The following SNX8 variants were observed in gnomAD, a reference collection of about 807,000 sequenced individuals.
SNX8 encodes the protein sorting nexin 8.
Under a neutral mutation model 51.6 loss-of-function variants are expected in SNX8, and 25 were observed. The observed-to-expected ratio is 0.48, with a 90% confidence interval of 0.35 to 0.68. The LOEUF (loss-of-function observed/expected upper bound fraction) is 0.68. SNX8 is among the 30% of genes least tolerant of loss of function. The pLI is 0.00. For synonymous variants in SNX8, 324 were observed against 277.0 expected, an observed-to-expected ratio of 1.17 and a Z score of -1.68; for missense variants, 695 against 624.0, an observed-to-expected ratio of 1.11 and a Z score of -1.21.
At chr7:2,324,092 C>A (rs1004220399) in intron 1 of SNX8, among the ~76,000 whole-genome samples, 2 of 151,610 alleles carry the variant, frequency 1.3e-5, no homozygotes, top group African/African-American at 4.8e-5. Flanking sequence ...TGTACTCCAG[C>A]CTGGGGTGGC....
intron 1 of SNX8, among the ~76,000 whole-genome samples, chr7:2,349,218 A>G (rs1188394350): frequency 6.6e-6 from 1 of 151,534 alleles, no homozygotes; most frequent in African/African-American, 2.4e-5. Flanking sequence ...ACAAAAAAAA[A>G]AAAAGTAAAA....
intron 1 of SNX8, among the ~76,000 whole-genome samples, chr7:2,327,440 CT>C: frequency 6.6e-6 from 1 of 151,784 alleles, no homozygotes; most frequent in Non-Finnish European, 1.5e-5. Context: ...CGGAGTCTCG[CT>C]CTGTCGCCCA....
At chr7:2,259,521 CA>C (rs1795285960) in intron 7 of SNX8, among the ~76,000 whole-genome samples, 1 of 152,184 alleles carries the variant, frequency 6.6e-6, no homozygotes, top group South Asian at 2.1e-4. Context: ...GAATGGGAGC[CA>C]GGGGTGCCGC....
At position 2,289,829 on chromosome 7, in the gene SNX8, G is replaced by A. The variant is rs150919847; in HGVS notation, c.95-11524C>T. Reference sequence around the variant, plus strand: ...TCCCAGCTATTCGGGAGGGTGAGGCGGAGGCTACAGTGAGCCATGATCGAG... The same window carrying A: ...TCCCAGCTATTCGGGAGGGTGAGGCAGAGGCTACAGTGAGCCATGATCGAG... On this transcript the variant is annotated intron_variant, in intron 1 of 10. Transcript: ENST00000222990. 6.8e-3 allele frequency among the ~76,000 whole-genome samples: 1,028 copies of A among 152,266 alleles called. 5 individuals are homozygous for A. The highest frequency in any genetic ancestry group is 0.017 in the Middle Eastern group (5 of 294).
intron 1 of SNX8, among the ~76,000 whole-genome samples, chr7:2,296,735 A>T (rs1796280892): frequency 6.6e-6 from 1 of 151,866 alleles, no homozygotes; most frequent in South Asian, 2.1e-4. Flanking sequence ...GTTCGAGACC[A>T]GCCTAGCCAA....
chr7:2,307,507 G>GCC (rs1796570689), intron 1 of SNX8, among the ~76,000 whole-genome samples: 1 of 151,650 alleles, frequency 6.6e-6, no homozygotes, highest in Non-Finnish European at 1.5e-5. Flanking sequence ...TGGTGGACAC[G>GCC]TGTAATCCCA....
intron 2 of SNX8, among the ~76,000 whole-genome samples, chr7:2,277,439 A>G (rs1209147969): frequency 1.3e-5 from 2 of 151,950 alleles, no homozygotes; most frequent in East Asian, 1.9e-4. Context: ...GTTTCCCACT[A>G]TTACAAAGCG....
At chr7:2,274,792 C>T (rs967522297) in intron 3 of SNX8, among the ~76,000 whole-genome samples, 3 of 152,166 alleles carry the variant, frequency 2.0e-5, no homozygotes, top group African/African-American at 7.2e-5. Flanking sequence ...CTCTCGGGAG[C>T]TCTCGGGAGC....
intron 5 of SNX8, among the ~76,000 whole-genome samples, chr7:2,268,081 C>A (rs184588503): frequency 0.033 from 4,159 of 126,308 alleles, 316 homozygotes; most frequent in African/African-American, 0.12. Context: ...GTCAGCCCCA[C>A]CACCTGGCCA....
chr7:2,314,562 C>G, upstream of SNX8: 1 of 842,150 alleles, frequency 1.2e-6, no homozygotes, highest in South Asian at 5.4e-5. Flanking sequence ...CCCTGCGGGC[C>G]CGCCGCGCTC....
intron 1 of SNX8, among the ~76,000 whole-genome samples, chr7:2,332,768 A>AGGG (rs1778760359): frequency 6.7e-6 from 1 of 148,792 alleles, no homozygotes; most frequent in Non-Finnish European, 1.5e-5. Context: ...GGAAGGAAGG[A>AGGG]AGGAGGGAAG....
intron 7 of SNX8, among the ~76,000 whole-genome samples, chr7:2,262,609 T>A (rs1368265577): frequency 6.6e-6 from 1 of 152,182 alleles, no homozygotes; most frequent in Non-Finnish European, 1.5e-5. Context: ...AACTATCTGG[T>A]CCACCCAGGA....
intron 1 of SNX8, among the ~76,000 whole-genome samples, chr7:2,352,417 GAC>G (rs1779165260): frequency 6.6e-6 from 1 of 152,078 alleles, no homozygotes; most frequent in African/African-American, 2.4e-5. Flanking sequence ...GACAGAGAGA[GAC>G]ACAGACACAC....
At chr7:2,307,224 C>CA (rs1796562443) in intron 1 of SNX8, among the ~76,000 whole-genome samples, 1 of 152,032 alleles carries the variant, frequency 6.6e-6, no homozygotes, top group African/African-American at 2.4e-5. Flanking sequence ...AATATTTTCC[C>CA]AAAAACACTT....
intron 1 of SNX8, among the ~76,000 whole-genome samples, chr7:2,299,818 G>A (rs560369949): frequency 6.6e-6 from 1 of 152,132 alleles, no homozygotes; most frequent in South Asian, 2.1e-4. Flanking sequence ...CCTCATAGAG[G>A]CCAAATGGAG....
intron 5 of SNX8, among the ~76,000 whole-genome samples, chr7:2,265,389 A>G (rs1404356427): frequency 6.6e-6 from 1 of 152,126 alleles, no homozygotes; most frequent in African/African-American, 2.4e-5. Flanking sequence ...TCACACCTGT[A>G]CCCCAGCGCT....
chr7:2,260,400 G>GTTTA (rs2115096064), intron 7 of SNX8, among the ~76,000 whole-genome samples: 1 of 152,158 alleles, frequency 6.6e-6, no homozygotes, highest in South Asian at 2.1e-4. Flanking sequence ...ACCCAACCAA[G>GTTTA]TTTACGGATT....
intron 1 of SNX8, among the ~76,000 whole-genome samples, chr7:2,285,211 CAAA>C (rs58401507): frequency 2.8e-5 from 2 of 70,946 alleles, no homozygotes; most frequent in Admixed American, 3.3e-4. Flanking sequence ...GACTCCGTCT[CAAA>C]AAAAAAAAAA....
intron 1 of SNX8, among the ~76,000 whole-genome samples, chr7:2,281,509 C>G (rs189130962): frequency 6.6e-6 from 1 of 152,126 alleles, no homozygotes; most frequent in African/African-American, 2.4e-5. Context: ...GCAGAAACAC[C>G]AGGAGGAGGA....
Sources: allele counts gnomAD v4.1 joint callset (sites outside exome capture counted in the v4.1 genomes callset), GRCh38; gene constraint gnomAD v4.1.1; transcripts MANE v1.5; gene names NCBI Gene and HGNC (gene_info 2026-07-23, HGNC 2026-07-21).